Variants in TAF3 observed in about 807,000 individuals in gnomAD.
TAF3 encodes transcription initiation factor TFIID subunit 3.
TAF3 carries 7 observed loss-of-function variants against 80.6 expected under a neutral mutation model. That is an observed-to-expected ratio of 0.09 (90% CI 0.05 to 0.16). The LOEUF (loss-of-function observed/expected upper bound fraction) is 0.16. Among genes scored for constraint, TAF3 ranks in the 10% least tolerant of loss-of-function variants. The pLI, the probability that TAF3 is intolerant of heterozygous loss-of-function variation, is 1.00. For synonymous variants in TAF3, 444 were observed against 446.1 expected, an observed-to-expected ratio of 1.00 and a Z score of 0.06; for missense variants, 921 against 1,140.2, an observed-to-expected ratio of 0.81 and a Z score of 2.77.
chr10:7,845,959 G>GT (rs34163537), intron 2 of TAF3, among the ~76,000 whole-genome samples: 17,466 of 130,690 alleles, frequency 0.13, 1,376 homozygotes, highest in East Asian at 0.29. Context: ...GTGTGTTTTT[G>GT]TTTTTTTTTT....
At chr10:7,891,912 T>A (rs567142556) in intron 2 of TAF3, among the ~76,000 whole-genome samples, 10 of 152,370 alleles carry the variant, frequency 6.6e-5, no homozygotes, top group African/African-American at 2.4e-4. Context: ...CTACTTTGCT[T>A]GTTAACTCAA....
intron 2 of TAF3, among the ~76,000 whole-genome samples, chr10:7,875,546 C>T (rs184446641): frequency 3.3e-4 from 51 of 152,262 alleles, no homozygotes; most frequent in African/African-American, 1.1e-3. Context: ...CCAGAGCCAG[C>T]GGGCACGAAG....
chr10:7,819,185 G>C (rs1028564274), intron 1 of TAF3, among the ~76,000 whole-genome samples: 10 of 151,940 alleles, frequency 6.6e-5, no homozygotes, highest in Non-Finnish European at 1.5e-4. Flanking sequence ...TCTCCTGTTT[G>C]CTGCGGGTAG....
chr10:7,841,577 C>T (rs1836912706), intron 2 of TAF3, among the ~76,000 whole-genome samples: 1 of 152,100 alleles, frequency 6.6e-6, no homozygotes, highest in African/African-American at 2.4e-5. Flanking sequence ...TCTGTTGGTA[C>T]TGAGAAGGAT....
In TAF3 at chr10:7,977,306, T is replaced by G; in HGVS notation, c.2298T>G (p.Gly766=). Residue 766 remains glycine (G), a synonymous_variant, in exon 4 of 7, where the codon GGT becomes GGG. Coordinates refer to ENST00000344293, the MANE Select transcript of TAF3 (RefSeq NM_031923.4). Reference sequence around the variant, plus strand: ...TCCCCAGATTAACTCTCCGAGTCGGTGCTGGCCAAGACAAGATGTAAGTAT... The same window carrying G: ...TCCCCAGATTAACTCTCCGAGTCGGGGCTGGCCAAGACAAGATGTAAGTAT... ...PVIPRLTLRV[G]AGQDKIVISK... 6.2e-7 allele frequency: 1 copy of G among 1,614,160 alleles called. No individual in the cohort carries two copies.
chr10:7,868,177 T>C (rs1462329967), intron 2 of TAF3, among the ~76,000 whole-genome samples: 1 of 152,198 alleles, frequency 6.6e-6, no homozygotes, highest in African/African-American at 2.4e-5. Flanking sequence ...TCAACTGTAT[T>C]GTTTGACAAG....
chr10:7,833,866 A>G, intron 2 of TAF3: 2 of 833,288 alleles, frequency 2.4e-6, no homozygotes, highest in Non-Finnish European at 3.3e-6. Context: ...TTCCTGGGGA[A>G]GAGGATGAGT....
intron 2 of TAF3, among the ~76,000 whole-genome samples, chr10:7,900,149 T>C (rs563280332): frequency 9.2e-5 from 14 of 152,368 alleles, no homozygotes; most frequent in African/African-American, 3.4e-4. Flanking sequence ...AGAATAGTTA[T>C]ACCAGTACTT....
At chr10:7,849,048 G>A (rs1006326203) in intron 2 of TAF3, among the ~76,000 whole-genome samples, 1 of 152,174 alleles carries the variant, frequency 6.6e-6, no homozygotes, top group Admixed American at 6.5e-5. Flanking sequence ...TGAGGGACAG[G>A]AGGCTAAACT....
chr10:7,840,816 A>C (rs141227944), intron 2 of TAF3, among the ~76,000 whole-genome samples: 2 of 151,756 alleles, frequency 1.3e-5, no homozygotes, highest in East Asian at 3.9e-4. Flanking sequence ...TTACAGCCAC[A>C]TAGAACTTTG....
intron 2 of TAF3, among the ~76,000 whole-genome samples, chr10:7,885,081 G>C (rs1489351861): frequency 1.3e-5 from 2 of 151,952 alleles, no homozygotes; most frequent in Admixed American, 1.3e-4. Flanking sequence ...GTGGGGAATG[G>C]AGTATGGGGA....
intron 3 of TAF3, among the ~76,000 whole-genome samples, chr10:7,966,078 G>A (rs968590931): frequency 2.6e-5 from 4 of 152,100 alleles, no homozygotes; most frequent in Admixed American, 2.6e-4. Context: ...GAATTATCAA[G>A]TGTACTGCAT....
chr10:7,869,606 C>T (rs540795649), intron 2 of TAF3, among the ~76,000 whole-genome samples: 61 of 152,320 alleles, frequency 4.0e-4, no homozygotes, highest in Non-Finnish European at 6.6e-4. Context: ...CATCCATTTG[C>T]GTTTTCTCAT....
chr10:7,882,683 G>A (rs1186277918), intron 2 of TAF3, among the ~76,000 whole-genome samples: 3 of 152,200 alleles, frequency 2.0e-5, no homozygotes, highest in Admixed American at 2.0e-4. Flanking sequence ...GCAGTGAGCA[G>A]TAAGATCACT....
At chr10:7,838,354 G>GTTT (rs766226249) in intron 2 of TAF3, among the ~76,000 whole-genome samples, 16 of 132,506 alleles carry the variant, frequency 1.2e-4, no homozygotes, top group Non-Finnish European at 2.3e-4. Flanking sequence ...TACCAAGCCA[G>GTTT]TTTTGTTTTT....
intron 4 of TAF3, among the ~76,000 whole-genome samples, chr10:7,978,135 C>T (rs919705823): frequency 6.6e-6 from 1 of 152,062 alleles, no homozygotes; most frequent in African/African-American, 2.4e-5. Flanking sequence ...CTTACTTTTC[C>T]CATTAAGCCT....
chr10:7,991,526 A>G (rs1373098066), intron 4 of TAF3, among the ~76,000 whole-genome samples: 1 of 152,084 alleles, frequency 6.6e-6, no homozygotes, highest in Non-Finnish European at 1.5e-5. Flanking sequence ...ATTAACAGAG[A>G]TATAATATTA....
chr10:7,894,135 A>G (rs1357297894), intron 2 of TAF3, among the ~76,000 whole-genome samples: 5 of 152,238 alleles, frequency 3.3e-5, no homozygotes, highest in Non-Finnish European at 7.4e-5. Context: ...ACAGTTAGCC[A>G]TTCTAATGGA....
At chr10:7,927,147 G>A (rs1028383321) in intron 2 of TAF3, among the ~76,000 whole-genome samples, 3 of 152,142 alleles carry the variant, frequency 2.0e-5, no homozygotes, top group African/African-American at 4.8e-5. Flanking sequence ...CACTTTCTGA[G>A]TTAATGTTAT....
Sources: allele counts gnomAD v4.1 joint callset (sites outside exome capture counted in the v4.1 genomes callset), GRCh38; gene constraint gnomAD v4.1.1; transcripts MANE v1.5; gene names NCBI Gene and HGNC (gene_info 2026-07-23, HGNC 2026-07-21).